ZDHHC24: variants seen among roughly 807,000 people sequenced by gnomAD.
The protein encoded by ZDHHC24 is probable palmitoyltransferase ZDHHC24.
Under a neutral mutation model 23.2 loss-of-function variants are expected in ZDHHC24, and 17 were observed. That is an observed-to-expected ratio of 0.73 (90% CI 0.50 to 1.10). The LOEUF (loss-of-function observed/expected upper bound fraction) is 1.10, where lower values mean the gene tolerates loss of function less well. Among genes scored for constraint, ZDHHC24 ranks in the 50% least tolerant of loss-of-function variants. ZDHHC24 has a pLI of 0.00. For synonymous variants in ZDHHC24, 186 were observed against 194.5 expected (o/e 0.96, Z 0.36); for missense variants, 366 against 393.0 (o/e 0.93, Z 0.58).
intron 3 of ZDHHC24, chr11:66,527,094 T>C (rs1856546728): frequency 7.2e-7 from 1 of 1,392,584 alleles, no homozygotes; most frequent in Non-Finnish European, 9.8e-7. Context: ...AGTAGAATTT[T>C]GACTGGGCAT....
chr11:66,531,649 A>T, downstream of ZDHHC24: 1 of 1,613,960 alleles, frequency 6.2e-7, no homozygotes, highest in Non-Finnish European at 8.5e-7. Context: ...TTTGTCCCCA[A>T]ACTTAGGTAC....
In ZDHHC24 at chr11:66,543,927, G is replaced by C; in HGVS notation, c.336C>G (p.Ala112=). The C allele has an allele frequency of 6.2e-7, 1 of 1,613,982 alleles. No individual in the cohort carries two copies. Among genetic ancestry groups the C allele is most frequent in the Non-Finnish European group, 8.5e-7 (1 of 1,179,924 alleles). ...QVPPRSGHCS[A]CRVCILRRDH... Reference sequence around the variant, plus strand: ...CCCGACGCAGGATGCAGACGCGGCAGGCAGAGCAGTGTCCGCTGCGTGGCG... The same window carrying C: ...CCCGACGCAGGATGCAGACGCGGCACGCAGAGCAGTGTCCGCTGCGTGGCG... Residue 112 remains alanine (A), a synonymous_variant, in exon 2 of 3, where the codon GCC becomes GCG. Coordinates refer to ENST00000310442, the MANE Select transcript of ZDHHC24 (RefSeq NM_207340.3).
Position 66,537,248 on chromosome 11 carries a change from A to T in ZDHHC24, c.*2281T>A, listed in dbSNP as rs755257695. ...ACCCGAAGCTTCTCTGGTTCCATTTATCCTTCAAATAATCCTCACGTCACA... is the reference window on the plus strand; with the variant it reads ...ACCCGAAGCTTCTCTGGTTCCATTTTTCCTTCAAATAATCCTCACGTCACA... On this transcript the variant is annotated 3_prime_UTR_variant, in exon 3 of 3. Coordinates refer to ENST00000310442, the MANE Select transcript of ZDHHC24 (RefSeq NM_207340.3). 1 of 151,698 alleles carries T rather than the reference A, an allele frequency of 6.6e-6. No homozygotes were observed. The highest frequency in any genetic ancestry group is 1.5e-5 in the Non-Finnish European group (1 of 67,896). 9.4% of individuals were successfully genotyped at this position (151,698 alleles called of 1,614,324 possible). A position where few individuals can be genotyped will look rare whatever the true frequency, so the allele number is the denominator to read the frequency against.
chr11:66,520,834 A>G (rs184014412), downstream of ZDHHC24: 76 of 282,230 alleles, frequency 2.7e-4, no homozygotes, highest in African/African-American at 1.5e-3. Flanking sequence ...CCTGGGCTCA[A>G]ACAGTCCTCT....
chr11:66,529,462 T>A, exon 3 of ZDHHC24: 1 of 774,094 alleles, frequency 1.3e-6, no homozygotes, highest in Non-Finnish European at 2.2e-6. Context: ...TTTGTGGTGG[T>A]CAGAGCTGTG....
intron 4 of ZDHHC24, among the ~76,000 whole-genome samples, chr11:66,524,800 C>G (rs1378456581): frequency 6.6e-6 from 1 of 152,146 alleles, no homozygotes; most frequent in Admixed American, 6.6e-5. Context: ...GGCACATTGG[C>G]TCACACCTGT....
At chr11:66,534,775 A>G (rs934397778), downstream of ZDHHC24, among the ~76,000 whole-genome samples, 2 of 152,022 alleles carry the variant, frequency 1.3e-5, no homozygotes, top group Non-Finnish European at 2.9e-5. Context: ...GGCTCGCTGC[A>G]AGCATCACCT....
chr11:66,545,908 C>G lies in ZDHHC24; in HGVS notation c.96G>C (p.Glu32Asp). 1 of 1,531,976 alleles carries G rather than the reference C, an allele frequency of 6.5e-7. No individual in the cohort carries two copies. Among genetic ancestry groups the G allele is most frequent in the South Asian group, 1.2e-5 (1 of 83,736 alleles). 94.9% of individuals were successfully genotyped at this position (1,531,976 alleles called of 1,614,324 possible). A position where few individuals can be genotyped will look rare whatever the true frequency, so the allele number is the denominator to read the frequency against. Residue 32 changes from glutamate to aspartate, a missense_variant, in exon 1 of 3, where the codon GAG (glutamate) becomes GAC (aspartate). Coordinates refer to ENST00000310442, the MANE Select transcript of ZDHHC24 (RefSeq NM_207340.3). The surrounding 1 kb of genome is among the most constrained non-coding windows in gnomAD (Gnocchi z 4.5). ...GACCGAGCACCAGCACGTAAGCCAG[C>G]TCCAGGCCCACGGCCGCGGCCCACA... ...TALWAAAVGLELAYVLVLGPG... is the reference protein window; with the variant it reads ...TALWAAAVGLDLAYVLVLGPG...
At chr11:66,522,677 T>G (rs909861750) in intron 4 of ZDHHC24, among the ~76,000 whole-genome samples, 2 of 152,164 alleles carry the variant, frequency 1.3e-5, no homozygotes. Flanking sequence ...AATAAATATT[T>G]ATTGAGCACC....
intron 4 of ZDHHC24, chr11:66,522,956 CA>C (rs1264429912): frequency 2.8e-6 from 1 of 359,128 alleles, no homozygotes; most frequent in Admixed American, 3.8e-5. Flanking sequence ...TAGGCCAACT[CA>C]AAGTGGGAAA....
chr11:66,523,652 T>TC (rs1176721907), intron 4 of ZDHHC24: 1 of 1,611,194 alleles, frequency 6.2e-7, no homozygotes, highest in African/African-American at 1.3e-5. Context: ...TCCTCTGGCT[T>TC]CCCCACCCCA....
chr11:66,541,173 A>C (rs1857140283), intron 2 of ZDHHC24, among the ~76,000 whole-genome samples: 2 of 152,150 alleles, frequency 1.3e-5, no homozygotes, highest in South Asian at 4.1e-4. Flanking sequence ...AGGCTGAGGC[A>C]GGTGGATCAC....
At chr11:66,529,231 C>G in intron 3 of ZDHHC24, 2 of 1,499,306 alleles carry the variant, frequency 1.3e-6, no homozygotes, top group Non-Finnish European at 8.9e-7. Context: ...GGGGAAGAGT[C>G]ATGTGATCCT....
chr11:66,524,610 A>G (rs1358720729), intron 4 of ZDHHC24, among the ~76,000 whole-genome samples: 1 of 152,190 alleles, frequency 6.6e-6, no homozygotes. Context: ...AGAGAATAGC[A>G]TGCACAAAGC....
In ZDHHC24 at chr11:66,536,311, C is replaced by T. The variant is rs1297839449; in HGVS notation, c.*3218G>A. ...GTGGCTCACACCTGTAATCCCAGCA[C>T]TTTGGGAGGCCAAGGTGGGCAGATC... On this transcript the variant is annotated 3_prime_UTR_variant, in exon 3 of 3. Transcript: ENST00000310442. 6.6e-6 allele frequency: 1 copy of T among 152,470 alleles called. No individual in the cohort carries two copies. The highest frequency in any genetic ancestry group is 2.1e-4 in the South Asian group (1 of 4,840). The allele number at this position is 152,470 out of a possible 1,614,324, so 9.4% of individuals were successfully genotyped here.
At chr11:66,543,230 G>C (rs540389721) in intron 2 of ZDHHC24, among the ~76,000 whole-genome samples, 2 of 152,056 alleles carry the variant, frequency 1.3e-5, no homozygotes, top group Admixed American at 6.5e-5. Flanking sequence ...CCCATAACTG[G>C]GCCTTCTCCT....
At chr11:66,533,553 A>G (rs1856865477), downstream of ZDHHC24, 1 of 152,226 alleles carries the variant, frequency 6.6e-6, no homozygotes, top group Admixed American at 6.5e-5. Context: ...GTGAAAGTTA[A>G]CTGCGGAGCC....
intron 2 of ZDHHC24, among the ~76,000 whole-genome samples, chr11:66,530,564 C>A (rs537956429): frequency 6.6e-5 from 10 of 151,974 alleles, no homozygotes; most frequent in African/African-American, 2.4e-4. Flanking sequence ...TCTGGGGAAG[C>A]AGGAGAAAAA....
intron 3 of ZDHHC24, chr11:66,529,256 G>A: frequency 6.6e-7 from 1 of 1,525,744 alleles, no homozygotes; most frequent in Non-Finnish European, 8.8e-7. Context: ...ACGGTGAGAT[G>A]TGAGGGGTGG....
Sources: allele counts gnomAD v4.1 joint callset (sites outside exome capture counted in the v4.1 genomes callset), GRCh38; gene constraint gnomAD v4.1.1; non-coding constraint Gnocchi (gnomAD v3.1); transcripts MANE v1.5; gene names NCBI Gene and HGNC (gene_info 2026-07-23, HGNC 2026-07-21).